Variants in KCNK13 observed in about 807,000 individuals in gnomAD.
The protein encoded by KCNK13 is potassium two pore domain channel subfamily K member 13.
Under a neutral mutation model 23.4 loss-of-function variants are expected in KCNK13, and 12 were observed. That is an observed-to-expected ratio of 0.51 (90% confidence interval 0.33 to 0.83). KCNK13 has a LOEUF of 0.83. Among genes scored for constraint, KCNK13 ranks in the 40% least tolerant of loss-of-function variants. The pLI is 0.02. For synonymous variants in KCNK13, 231 were observed against 229.5 expected (o/e 1.01, Z -0.06); for missense variants, 463 against 556.3 (o/e 0.83, Z 1.69).
intron 1 of KCNK13, among the ~76,000 whole-genome samples, chr14:90,159,999 T>C (rs1890236168): frequency 6.6e-6 from 1 of 150,406 alleles, no homozygotes; most frequent in African/African-American, 2.5e-5. Context: ...ACAGAGGGGG[T>C]TGCAGGACAA....
intron 1 of KCNK13, among the ~76,000 whole-genome samples, chr14:90,155,430 C>A (rs1164134255): frequency 6.6e-6 from 1 of 151,980 alleles, no homozygotes; most frequent in Non-Finnish European, 1.5e-5. Flanking sequence ...TGAATGGGGG[C>A]CAATGGAGAG....
In KCNK13 at chr14:90,141,797, G is replaced by GA. The variant is rs1555352008; in HGVS notation, c.335-42314_335-42313insA. On this transcript the variant is annotated intron_variant, in intron 1 of 1. Coordinates refer to ENST00000282146, the MANE Select transcript of KCNK13 (RefSeq NM_022054.4). ...GTTTTTGTTTTGTTTTGTTTTTTGG[G>GA]GGGGGGGACGGAGCCTTGCTCTGTC... Among the ~76,000 whole-genome samples, 5 of 145,744 alleles carry GA rather than the reference G, an allele frequency of 3.4e-5. No homozygotes were observed. In the South Asian group the frequency reaches 8.8e-4, roughly 26 times the overall value.
intron 1 of KCNK13, among the ~76,000 whole-genome samples, chr14:90,181,369 G>A (rs1168741746): frequency 5.3e-5 from 8 of 152,152 alleles, no homozygotes; most frequent in African/African-American, 9.7e-5. Flanking sequence ...AGTATCTTGC[G>A]AGAGCCCTGC....
intron 1 of KCNK13, among the ~76,000 whole-genome samples, chr14:90,148,408 A>C (rs775094453): frequency 1.3e-5 from 2 of 152,226 alleles, no homozygotes; most frequent in African/African-American, 4.8e-5. Flanking sequence ...CATGGCCCAG[A>C]AGGGGAGAAT....
At chr14:90,087,152 ATAT>A (rs1201675693) in intron 1 of KCNK13, among the ~76,000 whole-genome samples, 1,370 of 93,478 alleles carry the variant, frequency 0.015, 11 homozygotes, top group Non-Finnish European at 0.019. Context: ...ATATATATAT[ATAT>A]TTTTTTTTTT....
intron 1 of KCNK13, among the ~76,000 whole-genome samples, chr14:90,091,062 C>T (rs1441812261): frequency 6.6e-6 from 1 of 152,212 alleles, no homozygotes; most frequent in African/African-American, 2.4e-5. Context: ...TGACCTCTTT[C>T]CTGTCCCTTG....
chr14:90,092,932 A>G (rs1889366499), intron 1 of KCNK13, among the ~76,000 whole-genome samples: 1 of 147,054 alleles, frequency 6.8e-6, no homozygotes, highest in Non-Finnish European at 1.5e-5. Context: ...AAAAAAAAAA[A>G]AAGCATCACG....
chr14:90,119,716 C>T (rs1889715157), intron 1 of KCNK13, among the ~76,000 whole-genome samples: 1 of 152,162 alleles, frequency 6.6e-6, no homozygotes, highest in Non-Finnish European at 1.5e-5. Context: ...TCTCCTGCCT[C>T]AGCCTCCCAG....
At chr14:90,078,504 GAA>G (rs1889168816) in intron 1 of KCNK13, among the ~76,000 whole-genome samples, 1 of 150,434 alleles carries the variant, frequency 6.6e-6, no homozygotes, top group African/African-American at 2.4e-5. Flanking sequence ...AGAAAGGAAA[GAA>G]AGAAAAAGAA....
chr14:90,140,403 C>T (rs1356121807), intron 1 of KCNK13, among the ~76,000 whole-genome samples: 2 of 152,146 alleles, frequency 1.3e-5, no homozygotes, highest in Admixed American at 6.5e-5. Flanking sequence ...AACATTTTAA[C>T]GTACCGTACT....
intron 1 of KCNK13, among the ~76,000 whole-genome samples, chr14:90,095,140 A>G (rs1889396503): frequency 6.6e-6 from 1 of 152,198 alleles, no homozygotes; most frequent in Admixed American, 6.5e-5. Context: ...TGGGCAGAGA[A>G]TCACAGCGTC....
intron 1 of KCNK13, among the ~76,000 whole-genome samples, chr14:90,156,192 G>T (rs1343986182): frequency 9.2e-6 from 1 of 109,150 alleles, no homozygotes; most frequent in Non-Finnish European, 1.9e-5. Context: ...GTGACAGAGT[G>T]AGAGTCTGGC....
chr14:90,063,239 A>T (rs1044903400), intron 1 of KCNK13, among the ~76,000 whole-genome samples: 4 of 152,084 alleles, frequency 2.6e-5, no homozygotes, highest in Non-Finnish European at 4.4e-5. Context: ...TGGAAGGAAG[A>T]CTAGGAAGGT....
At chr14:90,070,231 T>C (rs1481680810) in intron 1 of KCNK13, among the ~76,000 whole-genome samples, 1 of 152,236 alleles carries the variant, frequency 6.6e-6, no homozygotes, top group Non-Finnish European at 1.5e-5. Context: ...ATCACTGAAA[T>C]GTATTTTGTA....
At chr14:90,180,319 AG>A (rs1348707580) in intron 1 of KCNK13, among the ~76,000 whole-genome samples, 1 of 152,182 alleles carries the variant, frequency 6.6e-6, no homozygotes, top group Admixed American at 6.5e-5. Flanking sequence ...CTACCAAAAA[AG>A]GACCCTGAGG....
intron 1 of KCNK13, among the ~76,000 whole-genome samples, chr14:90,127,648 T>C (rs1889817126): frequency 1.5e-5 from 2 of 137,890 alleles, no homozygotes; most frequent in Non-Finnish European, 3.1e-5. Flanking sequence ...CCCCCAACTC[T>C]AAAAAAAAAA....
intron 1 of KCNK13, among the ~76,000 whole-genome samples, chr14:90,137,245 C>G (rs1224019893): frequency 6.6e-6 from 1 of 152,066 alleles, no homozygotes; most frequent in African/African-American, 2.4e-5. Context: ...CAGCCTTTTT[C>G]TTTTTTCAAC....
At chr14:90,089,838 G>A (rs1889321569) in intron 1 of KCNK13, among the ~76,000 whole-genome samples, 2 of 152,230 alleles carry the variant, frequency 1.3e-5, no homozygotes, top group Non-Finnish European at 2.9e-5. Flanking sequence ...GCTTCAGAGG[G>A]TGCAAGCCCC....
chr14:90,147,024 C>T (rs1890080682), intron 1 of KCNK13, among the ~76,000 whole-genome samples: 1 of 152,030 alleles, frequency 6.6e-6, no homozygotes, highest in Non-Finnish European at 1.5e-5. Context: ...ACATGTTAAC[C>T]TATCACAATC....
Sources: gnomAD v4.1 joint callset for allele counts (sites outside exome capture counted in the v4.1 genomes callset) on GRCh38, gnomAD v4.1.1 for gene constraint, MANE v1.5 for transcripts, NCBI Gene and HGNC (gene_info 2026-07-23, HGNC 2026-07-21) for gene names.